DDX60: variants seen among roughly 807,000 people sequenced by gnomAD.
The protein encoded by DDX60 is DExD/H-box helicase 60.
A neutral mutation model predicts 212.8 loss-of-function variants in DDX60; 165 were observed. The ratio of observed to expected loss-of-function variants is 0.78; its 90% CI spans 0.68 to 0.88. DDX60 has a LOEUF of 0.88. DDX60 is among the 40% of genes least tolerant of loss of function. The probability of loss-of-function intolerance (pLI) is 0.00; values close to 1 mark genes in which losing one functional copy is unlikely to be tolerated. For missense variants in DDX60, 1,905 were observed against 2,003.9 expected (o/e 0.95, Z 0.94); for synonymous variants, 703 against 685.3 (o/e 1.03, Z -0.40).
Position 168,262,768 on chromosome 4 carries a change from G to T in DDX60, c.3059C>A (p.Pro1020His), listed in dbSNP as rs1734677737. The change falls in exon 23 of 38, where the codon CCT (proline) becomes CAT (histidine). Residue 1020 changes from proline (P) to histidine (H), a missense_variant. Pro to His is a moderately conservative substitution (Grantham distance 77). Transcript: ENST00000393743. ...TCGAGGTGAAAGGGTAAGATCAGGA[G>T]GGAATCCATACCTTTCAATCTGTTT... Reference protein sequence around the residue: ...TTDHIERYGFPPDLTLSPRES... With the variant: ...TTDHIERYGFHPDLTLSPRES... The T allele has an allele frequency of 1.2e-6, 2 of 1,609,314 alleles. No individual in the cohort carries two copies. Among genetic ancestry groups the T allele is most frequent in the Non-Finnish European group, 1.7e-6 (2 of 1,177,128 alleles).
chr4:168,314,213 C>T (rs138217456), intron 1 of DDX60, among the ~76,000 whole-genome samples: 15 of 152,182 alleles, frequency 9.9e-5, no homozygotes, highest in Admixed American at 4.6e-4. Flanking sequence ...AACACATGCA[C>T]GCCCTAACAC....
chr4:168,235,369 A>G lies in DDX60; in HGVS notation c.4533+883T>C, dbSNP rs148953755. Among the ~76,000 whole-genome samples, 63 of 152,172 alleles carry G rather than the reference A, an allele frequency of 4.1e-4. No homozygotes were observed. The East Asian group carries it at 0.012, about 28-fold the overall frequency. ...CACGCAGATCTGTCTGTTATGCAGT[A>G]AAGTGTATTTTTATCATGAGCTTCT... On this transcript the variant is annotated intron_variant, in intron 33 of 37. Coordinates refer to ENST00000393743, the MANE Select transcript of DDX60 (RefSeq NM_017631.6).
At chr4:168,310,797 G>C (rs913516500) in intron 3 of DDX60, among the ~76,000 whole-genome samples, 1 of 152,064 alleles carries the variant, frequency 6.6e-6, no homozygotes, top group East Asian at 1.9e-4. Flanking sequence ...CGGCTGGCAT[G>C]AATTTAGAAA....
intron 26 of DDX60, among the ~76,000 whole-genome samples, chr4:168,253,133 T>G (rs1326346451): frequency 6.6e-6 from 1 of 152,204 alleles, no homozygotes; most frequent in African/African-American, 2.4e-5. Flanking sequence ...TCAGTCTTCC[T>G]CTAATGCCCT....
rs200137138 is a variant in DDX60, at chr4:168,224,335, T to C, written c.4732A>G (p.Ser1578Gly). 1.2e-6 allele frequency: 2 copies of C among 1,611,940 alleles called. No homozygotes were observed. The highest frequency in any genetic ancestry group is 2.7e-5 in the African/African-American group (2 of 74,810). Reference sequence around the variant, plus strand: ...ATTGCTACTCTTCCTTCCTTGCAGCTCATCAAATGAGATACGAGTTGAGAG... The same window carrying C: ...ATTGCTACTCTTCCTTCCTTGCAGCCCATCAAATGAGATACGAGTTGAGAG... ...EDSQLVSHLMSCKEGRVAISP... is the reference protein window; with the variant it reads ...EDSQLVSHLMGCKEGRVAISP... The change falls in exon 35 of 38, where the codon AGC becomes GGC. Residue 1578 changes from serine (S) to glycine (G), a missense_variant. Transcript: ENST00000393743.
At chr4:168,237,468 C>T (rs368324079) in intron 31 of DDX60, 41 bp from the exon 32 acceptor site, 10 of 1,505,788 alleles carry the variant, frequency 6.6e-6, no homozygotes, top group Non-Finnish European at 8.9e-6. Context: ...ACTCAAGTCA[C>T]CACATAATAA....
At chr4:168,218,028 G>T (rs1320119573) in intron 37 of DDX60, among the ~76,000 whole-genome samples, 4 of 152,150 alleles carry the variant, frequency 2.6e-5, no homozygotes, top group Non-Finnish European at 5.9e-5. Context: ...AGAAATCCAA[G>T]AATGAACAGT....
At chr4:168,275,250 A>G in intron 16 of DDX60, 95 bp downstream of exon 16, 2 of 1,131,778 alleles carry the variant, frequency 1.8e-6, no homozygotes, top group Non-Finnish European at 2.4e-6. Context: ...TGACATGAAC[A>G]TCAAATATAA....
At chr4:168,243,220 T>C (rs1040216322) in intron 30 of DDX60, among the ~76,000 whole-genome samples, 2 of 152,140 alleles carry the variant, frequency 1.3e-5, no homozygotes, top group East Asian at 1.9e-4. Context: ...AATAATACAA[T>C]GATGAAAATG....
chr4:168,225,416 C>T, intron 34 of DDX60, 113 bp downstream of exon 34: 1 of 1,170,628 alleles, frequency 8.5e-7, no homozygotes, highest in Non-Finnish European at 1.2e-6. Context: ...AATCTCCTCA[C>T]TTGAGGGCAA....
chr4:168,293,163 A>T (rs533414905), intron 7 of DDX60, among the ~76,000 whole-genome samples: 3 of 152,264 alleles, frequency 2.0e-5, no homozygotes, highest in South Asian at 2.1e-4. Flanking sequence ...ACAACTGTAT[A>T]TTGGGGGAAG....
At chr4:168,315,456 C>T (rs949349293) in intron 1 of DDX60, among the ~76,000 whole-genome samples, 10 of 152,240 alleles carry the variant, frequency 6.6e-5, no homozygotes, top group African/African-American at 2.2e-4. Flanking sequence ...ATGTGCAGAA[C>T]ATGCAGGTTT....
intron 25 of DDX60, among the ~76,000 whole-genome samples, chr4:168,256,997 A>G (rs899615146): frequency 1.3e-5 from 2 of 152,258 alleles, no homozygotes; most frequent in Non-Finnish European, 2.9e-5. Context: ...TTCATATAGT[A>G]GACAATAAAA....
In DDX60 at chr4:168,284,880, G is replaced by A; in HGVS notation, c.1501C>T (p.His501Tyr). The A allele has an allele frequency of 2.5e-6, 4 of 1,598,298 alleles. No homozygotes were observed. The highest frequency in any genetic ancestry group is 2.6e-6 in the Non-Finnish European group (3 of 1,170,286). ...VKQKEFDELV[H>Y]WHSHKPLSDD... ...CTCAGGGGTTTATGAGAATGCCAGT[G>A]CACAAGTTCATCAAATTCCTTTTGT... Residue 501 changes from histidine (H) to tyrosine (Y), a missense_variant, in exon 12 of 38, where the codon CAC becomes TAC. By Grantham distance (83) the His-to-Tyr change is moderately conservative (BLOSUM62 2). Transcript: ENST00000393743.
At chr4:168,310,024 A>G (rs1737060280) in intron 3 of DDX60, among the ~76,000 whole-genome samples, 1 of 152,192 alleles carries the variant, frequency 6.6e-6, no homozygotes, top group East Asian at 1.9e-4. Context: ...ATGTACAACA[A>G]AAAGTCCTGG....
intron 6 of DDX60, among the ~76,000 whole-genome samples, chr4:168,301,851 T>C (rs191421779): frequency 3.6e-4 from 55 of 152,350 alleles, no homozygotes; most frequent in African/African-American, 1.3e-3. Flanking sequence ...ACTTAACTAA[T>C]GCTCAGACAT....
intron 18 of DDX60, among the ~76,000 whole-genome samples, chr4:168,273,033 A>C (rs1367203091): frequency 1.3e-5 from 2 of 152,228 alleles, no homozygotes; most frequent in African/African-American, 4.8e-5. Context: ...TTACAAACCA[A>C]GACAATGCAA....
In DDX60 at chr4:168,272,512, G is replaced by A. The variant is rs115588622; in HGVS notation, c.2575-374C>T. ...AATCAGCTAGTGTGAAAAGAGCAGG[G>A]AAGCAGGAATGAGCAGAGGGGGAAG... is the stretch of plus-strand genomic sequence containing the variant. On this transcript the variant is annotated intron_variant, in intron 18 of 37. Coordinates refer to ENST00000393743, the MANE Select transcript of DDX60 (RefSeq NM_017631.6). Among the ~76,000 whole-genome samples, 560 of 152,354 alleles carry A rather than the reference G, an allele frequency of 3.7e-3. 1 individual carries two copies. The highest frequency in any genetic ancestry group is 0.012 in the African/African-American group (512 of 41,570).
At chr4:168,235,140 TTAATA>T in intron 33 of DDX60, among the ~76,000 whole-genome samples, 1 of 152,110 alleles carries the variant, frequency 6.6e-6, no homozygotes, top group East Asian at 1.9e-4. Flanking sequence ...GAGTTTTTAT[TTAATA>T]TAATGGGACT....
Sources: gnomAD v4.1 joint callset for allele counts (sites outside exome capture counted in the v4.1 genomes callset) on GRCh38, gnomAD v4.1.1 for gene constraint, MANE v1.5 for transcripts, NCBI Gene and HGNC (gene_info 2026-07-23, HGNC 2026-07-21) for gene names.